The following ZYG11B variants were observed in gnomAD, a reference collection of about 807,000 sequenced individuals.
ZYG11B encodes protein zyg-11 homolog B.
ZYG11B carries 36 observed loss-of-function variants against 82.4 expected under a neutral mutation model. The ratio of observed to expected loss-of-function variants is 0.44; its 90% CI spans 0.33 to 0.58. The LOEUF is 0.58. ZYG11B is among the 20% of genes least tolerant of loss of function. The probability of loss-of-function intolerance (pLI) is 0.02; values close to 1 mark genes in which losing one functional copy is unlikely to be tolerated. For synonymous variants in ZYG11B, 303 were observed against 312.8 expected, an observed-to-expected ratio of 0.97 and a Z score of 0.33; for missense variants, 552 against 895.6, an observed-to-expected ratio of 0.62 and a Z score of 4.90.
chr1:52,819,772 T>G (rs1374288699), intron 13 of ZYG11B, among the ~76,000 whole-genome samples: 2 of 145,936 alleles, frequency 1.4e-5, no homozygotes, highest in Non-Finnish European at 1.5e-5. Flanking sequence ...GGCGACAGAG[T>G]GAGACTCTGT....
Position 52,781,882 on chromosome 1 carries a change from C to T in ZYG11B, c.1092+1889C>T, listed in dbSNP as rs1458621346. On this transcript the variant is annotated intron_variant, in intron 4 of 13. Transcript: ENST00000294353. ...AGGATATTATCACCAACACCTGTCACTCCTTTTATATATATCAGAGGATGT... is the reference window on the plus strand; with the variant it reads ...AGGATATTATCACCAACACCTGTCATTCCTTTTATATATATCAGAGGATGT... 2.0e-5 allele frequency among the ~76,000 whole-genome samples: 3 copies of T among 151,950 alleles called. No individual in the cohort carries two copies. In the East Asian group the frequency reaches 5.8e-4, roughly 29 times the overall value.
rs1271414153 is a variant in ZYG11B at position 52,796,864 on chromosome 1, ATT to A, written c.1485+85_1485+86del. 16 of 206,728 alleles carry A rather than the reference ATT, an allele frequency of 7.7e-5. No individual in the cohort carries two copies. The East Asian group carries it at 2.4e-3, about 31-fold the overall frequency. The allele number at this position is 206,728 out of a possible 1,614,324, so 12.8% of individuals were successfully genotyped here. A position where few individuals can be genotyped will look rare whatever the true frequency, so the allele number is the denominator to read the frequency against. ...CAGGCAGTATTGTATATTTTCTGAC[ATT>A]TTTTATATATATATAATTATATATA... On this transcript the variant is annotated intron_variant, in intron 8 of 13. Coordinates refer to ENST00000294353, the MANE Select transcript of ZYG11B (RefSeq NM_024646.3).
Position 52,824,221 on chromosome 1 carries a change from A to G in ZYG11B, c.*2592A>G, listed in dbSNP as rs1386633771. On this transcript the variant is annotated 3_prime_UTR_variant, in exon 14 of 14. Transcript: ENST00000294353. ...GCCCAAGCTGGAGTGCAGTGGCACA[A>G]TCATACCTCACTGCAGCCTCTTGGG... is the stretch of plus-strand genomic sequence containing the variant. 1 of 152,156 alleles carries G rather than the reference A, an allele frequency of 6.6e-6. No individual in the cohort carries two copies. Among genetic ancestry groups the G allele is most frequent in the South Asian group, 2.1e-4 (1 of 4,824 alleles). The allele number at this position is 152,156 out of a possible 1,614,324, so 9.4% of individuals were successfully genotyped here. A position where few individuals can be genotyped will look rare whatever the true frequency, so the allele number is the denominator to read the frequency against.
At position 52,771,613 on chromosome 1, in the gene ZYG11B, A is replaced by G. The variant is rs1192371479; in HGVS notation, c.790A>G (p.Ile264Val). ...IALRLLEQKDILPNLVSLDVS... is the reference protein window; with the variant it reads ...IALRLLEQKDVLPNLVSLDVS... Reference sequence around the variant, plus strand: ...TCTTCGCTTACTAGAACAAAAAGACATCCTACCTAACCTTGTTTCTCTGGA... The same window carrying G: ...TCTTCGCTTACTAGAACAAAAAGACGTCCTACCTAACCTTGTTTCTCTGGA... Residue 264 changes from isoleucine (I) to valine (V), a missense_variant, in exon 3 of 14, where the codon ATC (isoleucine) becomes GTC (valine). Ile to Val is a conservative substitution (Grantham distance 29). Coordinates refer to ENST00000294353, the MANE Select transcript of ZYG11B (RefSeq NM_024646.3). This position sits in a 1 kb window ranked among gnomAD's most constrained non-coding sequence, Gnocchi z 5.4. The G allele has an allele frequency of 1.9e-6, 3 of 1,614,062 alleles. No individual in the cohort carries two copies. Among genetic ancestry groups the G allele is most frequent in the African/African-American group, 1.3e-5 (1 of 74,916 alleles).
At chr1:52,783,882 A>ATGTACATTCACTTGTGTGTG (rs74208826) in intron 4 of ZYG11B, among the ~76,000 whole-genome samples, 1 of 126,012 alleles carries the variant, frequency 7.9e-6, no homozygotes, top group African/African-American at 3.5e-5. Context: ...ACGTGTGTGT[A>ATGTACATTCACTTGTGTGTG]TATGTACATA....
At chr1:52,811,014 A>G (rs955511155) in intron 10 of ZYG11B, among the ~76,000 whole-genome samples, 1 of 145,962 alleles carries the variant, frequency 6.9e-6, no homozygotes, top group African/African-American at 2.6e-5. Flanking sequence ...AGCCTGAGCG[A>G]CCGAGCAAGG....
At chr1:52,769,696 G>C (rs944986790) in intron 2 of ZYG11B, among the ~76,000 whole-genome samples, 1 of 152,176 alleles carries the variant, frequency 6.6e-6, no homozygotes, top group African/African-American at 2.4e-5. Context: ...AGAGAATAGT[G>C]CTCCCTTTTA....
At chr1:52,782,757 G>A (rs938862940) in intron 4 of ZYG11B, among the ~76,000 whole-genome samples, 7 of 151,426 alleles carry the variant, frequency 4.6e-5, no homozygotes, top group Non-Finnish European at 7.4e-5. Context: ...TTGTAGAGAC[G>A]GGGGTCACAC....
intron 4 of ZYG11B, among the ~76,000 whole-genome samples, chr1:52,783,526 T>A (rs530554261): frequency 5.1e-4 from 77 of 151,910 alleles, no homozygotes; most frequent in Non-Finnish European, 1.0e-3. Flanking sequence ...AGGTGACATG[T>A]ATATGTACGT....
At chr1:52,779,077 A>G (rs943792475) in intron 3 of ZYG11B, among the ~76,000 whole-genome samples, 1 of 152,220 alleles carries the variant, frequency 6.6e-6, no homozygotes, top group Non-Finnish European at 1.5e-5. Context: ...TAACTTGAAT[A>G]AGGAAGAATG....
intron 13 of ZYG11B, among the ~76,000 whole-genome samples, chr1:52,817,777 GTATATATATATATATATA>G (rs869260265): frequency 0.02 from 826 of 41,500 alleles, 15 homozygotes; most frequent in South Asian, 0.034. Context: ...ATATATATGT[GTATATATATATATATATA>G]TATATATATA....
chr1:52,781,559 G>A lies in ZYG11B; in HGVS notation c.1092+1566G>A, dbSNP rs138237263. Among the ~76,000 whole-genome samples the A allele has an allele frequency of 2.4e-3, 371 of 152,230 alleles. 2 individuals are homozygous for A. Among genetic ancestry groups the A allele is most frequent in the African/African-American group, 8.2e-3 (341 of 41,550 alleles). ...CTCCCAAAAATTTAGATTCAGTAGG[G>A]CTAGATGAGGCACAGGAATCTACGT... On this transcript the variant is annotated intron_variant, in intron 4 of 13. Coordinates refer to ENST00000294353, the MANE Select transcript of ZYG11B (RefSeq NM_024646.3).
intron 8 of ZYG11B, among the ~76,000 whole-genome samples, chr1:52,799,417 G>A (rs979576961): frequency 1.3e-4 from 19 of 151,444 alleles, no homozygotes; most frequent in African/African-American, 4.6e-4. Context: ...AACCCAGGAG[G>A]TGGAGCTTCC....
At chr1:52,733,600 G>A (rs986370202) in intron 1 of ZYG11B, among the ~76,000 whole-genome samples, 1 of 152,156 alleles carries the variant, frequency 6.6e-6, no homozygotes, top group Non-Finnish European at 1.5e-5. Context: ...GGTTGAAGCT[G>A]CAGTGAGCAG....
chr1:52,791,079 C>G (rs1394409004), intron 6 of ZYG11B, among the ~76,000 whole-genome samples: 1 of 151,834 alleles, frequency 6.6e-6, no homozygotes, highest in Non-Finnish European at 1.5e-5. Flanking sequence ...TTAAGTGATT[C>G]TCCTACCTGA....
intron 1 of ZYG11B, 61 bp downstream of exon 1, chr1:52,726,744 G>A: frequency 2.8e-6 from 4 of 1,408,420 alleles, no homozygotes; most frequent in Non-Finnish European, 2.8e-6. Context: ...CGCCCGTCGC[G>A]CTGGCCCCTG....
At chr1:52,815,932 A>C (rs7524169) in intron 12 of ZYG11B, among the ~76,000 whole-genome samples, 5,645 of 152,216 alleles carry the variant, frequency 0.037, 322 homozygotes, top group African/African-American at 0.13. Context: ...GAGACTCCGT[A>C]TCAAAATAAA....
intron 3 of ZYG11B, among the ~76,000 whole-genome samples, chr1:52,777,324 T>C (rs1207746672): frequency 6.6e-6 from 1 of 152,242 alleles, no homozygotes; most frequent in East Asian, 1.9e-4. Flanking sequence ...ATGTGACATA[T>C]ATCAATACTG....
chr1:52,815,808 G>GCCTGTA (rs1463748524), intron 12 of ZYG11B, among the ~76,000 whole-genome samples: 1 of 147,696 alleles, frequency 6.8e-6, no homozygotes, highest in Non-Finnish European at 1.5e-5. Context: ...GGTGGCAGGC[G>GCCTGTA]CCTGTAGTCC....
Sources: allele counts gnomAD v4.1 joint callset (sites outside exome capture counted in the v4.1 genomes callset), GRCh38; gene constraint gnomAD v4.1.1; non-coding constraint Gnocchi (gnomAD v3.1); transcripts MANE v1.5; gene names NCBI Gene and HGNC (gene_info 2026-07-23, HGNC 2026-07-21).